Variants in HEATR4 observed in about 807,000 individuals in gnomAD.
HEATR4 encodes the protein HEAT repeat containing 4, also known as HEAT repeat-containing protein 4.
In HEATR4, 95 loss-of-function variants were observed where a neutral mutation model predicts 108.8. The ratio of observed to expected loss-of-function variants is 0.87; its 90% CI spans 0.74 to 1.04. The LOEUF (loss-of-function observed/expected upper bound fraction) is 1.04, where lower values mean the gene tolerates loss of function less well. Among genes scored for constraint, HEATR4 ranks in the 50% least tolerant of loss-of-function variants. The probability of loss-of-function intolerance (pLI) is 0.00; values close to 1 mark genes in which losing one functional copy is unlikely to be tolerated. For missense variants in HEATR4, 1,152 were observed against 1,253.8 expected (o/e 0.92, Z 1.23); for synonymous variants, 443 against 459.4 (o/e 0.96, Z 0.46).
intron 2 of HEATR4, among the ~76,000 whole-genome samples, chr14:73,526,915 C>T (rs555925512): frequency 2.6e-4 from 39 of 152,184 alleles, no homozygotes; most frequent in Non-Finnish European, 5.6e-4. Flanking sequence ...ACCCTTCCCC[C>T]CAACTCCAGA....
chr14:73,499,739 T>A (rs1163071737), intron 12 of HEATR4, among the ~76,000 whole-genome samples: 1 of 152,138 alleles, frequency 6.6e-6, no homozygotes, highest in Non-Finnish European at 1.5e-5. Flanking sequence ...GAATTATAAC[T>A]CCATTTATGG....
At chr14:73,603,112 T>C in the HEATR4 span, among the ~76,000 whole-genome samples, 1 of 152,346 alleles carries the variant, frequency 6.6e-6, no homozygotes, top group South Asian at 2.1e-4. Flanking sequence ...TGGTAACTTA[T>C]TTTAATTATG....
chr14:73,611,734 T>G, the HEATR4 span: 1 of 152,218 alleles, frequency 6.6e-6, no homozygotes, highest in Non-Finnish European at 1.5e-5. Context: ...TTATGTTTCT[T>G]GCTAAAGATC....
chr14:73,609,305 A>T, the HEATR4 span, among the ~76,000 whole-genome samples: 1 of 152,166 alleles, frequency 6.6e-6, no homozygotes, highest in Non-Finnish European at 1.5e-5. Flanking sequence ...TGAGCCAAAC[A>T]TGGGATGGAC....
the HEATR4 span, chr14:73,596,448 G>C: frequency 6.6e-6 from 1 of 151,842 alleles, no homozygotes; most frequent in Non-Finnish European, 1.5e-5. Flanking sequence ...AGTGAGCCGT[G>C]ATTGCACCAC....
intron 8 of HEATR4, among the ~76,000 whole-genome samples, 160 bp downstream of exon 8, chr14:73,509,152 C>T (rs1887042230): frequency 6.6e-6 from 1 of 152,078 alleles, no homozygotes; most frequent in Non-Finnish European, 1.5e-5. Flanking sequence ...CAGGTGTGAG[C>T]GACAGTGTCT....
At chr14:73,582,884 TTC>T in the HEATR4 span, 1 of 152,084 alleles carries the variant, frequency 6.6e-6, no homozygotes, top group East Asian at 1.9e-4. Context: ...TTCCAAAATA[TTC>T]TTTTTCCTTT....
chr14:73,619,938 G>C, the HEATR4 span: 5 of 1,130,916 alleles, frequency 4.4e-6, no homozygotes, highest in South Asian at 6.7e-5. Flanking sequence ...TTTTTTTCCT[G>C]TATCACTCTG....
upstream of HEATR4, among the ~76,000 whole-genome samples, chr14:73,559,798 A>T (rs1199821934): frequency 6.6e-6 from 1 of 152,014 alleles, no homozygotes; most frequent in African/African-American, 2.4e-5. Flanking sequence ...TTCTCCCACC[A>T]CAAGGGTTTA....
At chr14:73,594,068 A>G in the HEATR4 span, among the ~76,000 whole-genome samples, 1 of 152,168 alleles carries the variant, frequency 6.6e-6, no homozygotes, top group African/African-American at 2.4e-5. Flanking sequence ...TGTCAGATGA[A>G]TTTGTGATAT....
intron 17 of HEATR4, chr14:73,491,086 G>C (rs1343625255): frequency 2.5e-6 from 4 of 1,599,936 alleles, no homozygotes; most frequent in Non-Finnish European, 3.4e-6. Context: ...GCAAGCCCCA[G>C]CCACACAGCG....
the HEATR4 span, chr14:73,569,919 G>A: frequency 1.1e-4 from 173 of 1,581,078 alleles, no homozygotes; most frequent in African/African-American, 2.1e-3. Context: ...GTGTTCGTTC[G>A]CCTTTCACTT....
chr14:73,606,517 T>C, the HEATR4 span, among the ~76,000 whole-genome samples: 1 of 152,216 alleles, frequency 6.6e-6, no homozygotes, highest in African/African-American at 2.4e-5. Flanking sequence ...AAATAGGGTC[T>C]ATCTAGCAGT....
chr14:73,514,265 A>C (rs1595120586), intron 5 of HEATR4, 31 bp from the exon 6 acceptor site: 2 of 1,595,854 alleles, frequency 1.3e-6, no homozygotes. Flanking sequence ...AGGTCTTTTC[A>C]CCCCACTGCC....
At chr14:73,623,264 C>T in the HEATR4 span, among the ~76,000 whole-genome samples, 1 of 152,290 alleles carries the variant, frequency 6.6e-6, no homozygotes. Context: ...AAATTTACAA[C>T]TTTCATAAAA....
In HEATR4 at chr14:73,502,998, A is replaced by G. The variant is rs757135108; in HGVS notation, c.2002T>C (p.Leu668=). 9 of 1,613,246 alleles carry G rather than the reference A, an allele frequency of 5.6e-6. No individual in the cohort carries two copies. In the African/African-American group the frequency reaches 1.1e-4, roughly 19 times the overall value. ...CAGTCATTCCACATCAGCTGGATCA[A>G]CTTATGTTTCATATCCTATAAATAG... The part of the protein sequence containing the change: ...GNVCLDMKHK[L]IQLMWNDWNK... Residue 668 remains leucine, a synonymous_variant, in exon 11 of 18, where the codon TTG becomes CTG. Transcript: ENST00000553558.
chr14:73,562,254 G>A (rs1889540934), upstream of HEATR4, among the ~76,000 whole-genome samples: 1 of 151,968 alleles, frequency 6.6e-6, no homozygotes, highest in Non-Finnish European at 1.5e-5. Context: ...CATAAATTGT[G>A]AAGATTTCAT....
the HEATR4 span, among the ~76,000 whole-genome samples, chr14:73,585,202 C>T: frequency 6.6e-6 from 1 of 152,154 alleles, no homozygotes; most frequent in African/African-American, 2.4e-5. Flanking sequence ...ACCTGGCCAC[C>T]TTGTCTCGCT....
chr14:73,485,471 C>T (rs1191941858), intron 17 of HEATR4, among the ~76,000 whole-genome samples: 1 of 150,652 alleles, frequency 6.6e-6, no homozygotes, highest in Non-Finnish European at 1.5e-5. Context: ...GGCGCCATCT[C>T]AGCTCACTGC....
Sources: gnomAD v4.1 joint callset for allele counts (sites outside exome capture counted in the v4.1 genomes callset) on GRCh38, gnomAD v4.1.1 for gene constraint, MANE v1.5 for transcripts, NCBI Gene and HGNC (gene_info 2026-07-23, HGNC 2026-07-21) for gene names.